AS3MT: variants seen among roughly 807,000 people sequenced by gnomAD.
The protein encoded by AS3MT is arsenite methyltransferase.
AS3MT carries 47 observed loss-of-function variants against 45.3 expected under a neutral mutation model. The observed-to-expected ratio is 1.04, with a 90% CI of 0.82 to 1.32. The LOEUF (loss-of-function observed/expected upper bound fraction) is 1.32. AS3MT is among the 40% of genes most tolerant of loss of function. The pLI is 0.00. For missense variants in AS3MT, 396 were observed against 451.1 expected, an observed-to-expected ratio of 0.88 and a Z score of 1.11; for synonymous variants, 141 against 152.8, an observed-to-expected ratio of 0.92 and a Z score of 0.57.
At chr10:102,870,022 G>C in intron 2 of AS3MT, 62 bp from the exon 3 acceptor site, 1 of 1,580,706 alleles carries the variant, frequency 6.3e-7, no homozygotes, top group East Asian at 2.3e-5. Context: ...CGGAGCCCTC[G>C]CGCTGCAGTC....
chr10:102,877,845 C>T (rs11191436), intron 7 of AS3MT, among the ~76,000 whole-genome samples: 36,363 of 149,632 alleles, frequency 0.24, 4,550 homozygotes, highest in Middle Eastern at 0.31. Flanking sequence ...CTCCACTTCC[C>T]GGGTTCAAGT....
In AS3MT at chr10:102,891,035, G is replaced by A. The variant is rs1280266369; in HGVS notation, c.1020+357G>A. 5.9e-5 allele frequency among the ~76,000 whole-genome samples: 9 copies of A among 152,152 alleles called. No individual in the cohort carries two copies. The East Asian group carries it at 1.2e-3, about 20-fold the overall frequency. On this transcript the variant is annotated intron_variant, in intron 10 of 10. Transcript: ENST00000369880. ...GCCAGTATGCATGGTCTCTTGAGGCGCACTTCTCTTGCTGGTCAAATGTTG... is the reference window on the plus strand; with the variant it reads ...GCCAGTATGCATGGTCTCTTGAGGCACACTTCTCTTGCTGGTCAAATGTTG...
At position 102,881,198 on chromosome 10, in the gene AS3MT, A is replaced by C. The variant is rs10883790; in HGVS notation, c.885+2207A>C. ...GAACAGATGAAGTCAGAACACTCAC[A>C]TGCATCACGGTCACAGAACTTTAAG... On this transcript the variant is annotated intron_variant, in intron 9 of 10. Transcript: ENST00000369880. This position sits in a 1 kb window ranked among gnomAD's most constrained non-coding sequence, Gnocchi z 4.2. Among the ~76,000 whole-genome samples the C allele has an allele frequency of 0.25, 37,550 of 152,134 alleles. 4,766 individuals are homozygous for C. Among genetic ancestry groups the C allele is most frequent in the Middle Eastern group, 0.31 (92 of 294 alleles).
intron 10 of AS3MT, among the ~76,000 whole-genome samples, chr10:102,900,001 T>G (rs1216038887): frequency 6.6e-6 from 1 of 152,158 alleles, no homozygotes; most frequent in Non-Finnish European, 1.5e-5. Flanking sequence ...TGTACTTGGC[T>G]TTTCTCTGGC....
At chr10:102,871,461 G>A (rs1389097445) in intron 3 of AS3MT, among the ~76,000 whole-genome samples, 2 of 148,726 alleles carry the variant, frequency 1.3e-5, no homozygotes, top group African/African-American at 5.0e-5. Context: ...GCAGGAGAAC[G>A]GCGTGAACCC....
rs750357447 is a variant in AS3MT at position 102,878,841 on chromosome 10, AT to A, written c.743-3del. The A allele has an allele frequency of 6.2e-7, 1 of 1,611,308 alleles. No homozygotes were observed. The highest frequency in any genetic ancestry group is 8.5e-7 in the Non-Finnish European group (1 of 1,179,136). Reference sequence around the variant, plus strand: ...TGGAGATGAACCGTGAATAAATTCTATTTTTAGGTGACTGTCGTTTTGTTTC... The same window carrying A: ...TGGAGATGAACCGTGAATAAATTCTATTTTAGGTGACTGTCGTTTTGTTTC... On this transcript the variant is annotated splice_polypyrimidine_tract_variant and splice_region_variant and intron_variant, in intron 8 of 10. Transcript: ENST00000369880.
chr10:102,877,099 G>T, intron 7 of AS3MT, 64 bp downstream of exon 7: 1 of 1,463,138 alleles, frequency 6.8e-7, no homozygotes, highest in Middle Eastern at 1.7e-4. Flanking sequence ...ACTCCTTTCT[G>T]CTAATAGCCA....
At chr10:102,873,257 T>C in intron 5 of AS3MT, 24 bp downstream of exon 5, 1 of 1,519,098 alleles carries the variant, frequency 6.6e-7, no homozygotes, top group Non-Finnish European at 8.8e-7. Flanking sequence ...CTTACTGTTA[T>C]GACTATAGCC....
At chr10:102,880,678 C>T (rs1844857777) in intron 9 of AS3MT, among the ~76,000 whole-genome samples, 1 of 152,168 alleles carries the variant, frequency 6.6e-6, no homozygotes, top group Non-Finnish European at 1.5e-5. Flanking sequence ...GTGCTGTGCT[C>T]ATTACAGAAT....
At chr10:102,875,370 G>A (rs1188561382) in intron 6 of AS3MT, among the ~76,000 whole-genome samples, 2 of 151,400 alleles carry the variant, frequency 1.3e-5, no homozygotes, top group South Asian at 2.1e-4. Context: ...CCAGCTCCTC[G>A]GGAGGCTGAG....
Position 102,890,662 on chromosome 10 carries a change from C to G in AS3MT, c.1004C>G (p.Ser335Cys). Residue 335 changes from serine (S) to cysteine (C), a missense_variant, in exon 10 of 11, where the codon TCT becomes TGT. Ser to Cys is a moderately radical substitution (Grantham distance 112). Coordinates refer to ENST00000369880, the MANE Select transcript of AS3MT (RefSeq NM_020682.4). ...GEKLPTSGGC[S>C]ALELKDIITD... ...AAGTTGCCAACATCTGGAGGCTGTT[C>G]TGCTTTGGAGTTAAAGGTTAGTTTG... The G allele has an allele frequency of 6.2e-7, 1 of 1,611,746 alleles. No individual in the cohort carries two copies. The highest frequency in any genetic ancestry group is 8.5e-7 in the Non-Finnish European group (1 of 1,179,338).
intron 10 of AS3MT, among the ~76,000 whole-genome samples, chr10:102,893,465 T>G (rs1272334081): frequency 2.0e-5 from 3 of 150,842 alleles, no homozygotes; most frequent in African/African-American, 7.3e-5. Context: ...ATTACAGGCA[T>G]GTGCCACCAT....
intron 5 of AS3MT, among the ~76,000 whole-genome samples, chr10:102,874,109 T>G (rs1023868449): frequency 1.3e-5 from 2 of 152,024 alleles, no homozygotes; most frequent in Non-Finnish European, 2.9e-5. Context: ...AAAAATTAGC[T>G]GGGTGTGGTG....
intron 9 of AS3MT, among the ~76,000 whole-genome samples, chr10:102,885,382 G>GC (rs1844932452): frequency 6.6e-6 from 1 of 151,620 alleles, no homozygotes; most frequent in South Asian, 2.1e-4. Flanking sequence ...AGGTTGGAGT[G>GC]CAGTGGCGTG....
chr10:102,870,346 T>C, intron 3 of AS3MT, 135 bp downstream of exon 3: 1 of 1,180,152 alleles, frequency 8.5e-7, no homozygotes. Flanking sequence ...AAATCCTAAA[T>C]CTCAGCACCC....
At chr10:102,888,875 ATATATAT>A (rs1356789059) in intron 9 of AS3MT, among the ~76,000 whole-genome samples, 58 of 70,018 alleles carry the variant, frequency 8.3e-4, no homozygotes, top group African/African-American at 6.9e-4. Context: ...ATATATATAT[ATATATAT>A]TTTTTTTTTT....
At chr10:102,876,828 A>G (rs549867531) in intron 6 of AS3MT, 126 bp from the exon 7 acceptor site, 1 of 932,990 alleles carries the variant, frequency 1.1e-6, no homozygotes, top group Admixed American at 2.3e-5. Context: ...ATTTGTTCAC[A>G]AAGGGTCAGC....
At chr10:102,894,555 A>G (rs76199393) in intron 10 of AS3MT, among the ~76,000 whole-genome samples, 2,296 of 152,342 alleles carry the variant, frequency 0.015, 60 homozygotes, top group African/African-American at 0.052. Flanking sequence ...TCACGAAGGG[A>G]AGGAGAAGTT....
intron 10 of AS3MT, among the ~76,000 whole-genome samples, 190 bp downstream of exon 10, chr10:102,890,868 C>A (rs774814589): frequency 6.6e-6 from 1 of 152,088 alleles, no homozygotes; most frequent in Non-Finnish European, 1.5e-5. Flanking sequence ...CCCACCACCA[C>A]GCCCGGCTAA....
Sources: gnomAD v4.1 joint callset for allele counts (sites outside exome capture counted in the v4.1 genomes callset) on GRCh38, gnomAD v4.1.1 for gene constraint, Gnocchi (gnomAD v3.1) non-coding constraint, MANE v1.5 for transcripts, NCBI Gene and HGNC (gene_info 2026-07-23, HGNC 2026-07-21) for gene names.